Variants in ZNF763 observed in about 807,000 individuals in gnomAD.
The protein encoded by ZNF763 is zinc finger protein 763, also known as DNA-binding protein.
A neutral mutation model predicts 38.0 loss-of-function variants in ZNF763; 33 were observed. The ratio of observed to expected loss-of-function variants is 0.87; its 90% CI spans 0.66 to 1.16. ZNF763 has a LOEUF of 1.16. Ranked by LOEUF, ZNF763 falls within the 50% of genes most tolerant of loss-of-function variation. ZNF763 has a pLI of 0.00. For missense variants in ZNF763, 423 were observed against 469.1 expected, an observed-to-expected ratio of 0.90 and a Z score of 0.91; for synonymous variants, 155 against 160.1, an observed-to-expected ratio of 0.97 and a Z score of 0.24.
Position 11,978,356 on chromosome 19 carries a change from T to G in ZNF763, c.432T>G (p.Tyr144Ter), listed in dbSNP as rs370304518. The G allele has an allele frequency of 1.2e-5, 20 of 1,614,070 alleles. No individual in the cohort carries two copies. Among genetic ancestry groups the G allele is most frequent in the Admixed American group, 5.0e-5 (3 of 60,006 alleles). ...ATCAGGACTATGCACCAAAGCCATA[T>G]AAGTGTCAACAACCTAAGAAAGCCT... ...YEYQDYAPKP[Y>*]KCQQPKKAFR... The change falls in exon 4 of 4, where the codon TAT becomes TAG. Residue 144 changes from tyrosine to a stop codon, truncating the protein, a stop_gained. Transcript: ENST00000358987. LOFTEE classifies it high-confidence loss of function.
chr19:11,975,574 T>C (rs528946195), intron 1 of ZNF763, among the ~76,000 whole-genome samples: 10 of 151,948 alleles, frequency 6.6e-5, no homozygotes, highest in African/African-American at 9.7e-5. Flanking sequence ...ATTTTTCGTA[T>C]TTTTAGTAGA....
Position 11,979,704 on chromosome 19 carries a change from A to T in ZNF763, c.*595A>T. On this transcript the variant is annotated 3_prime_UTR_variant, in exon 4 of 4. Coordinates refer to ENST00000358987, the MANE Select transcript of ZNF763 (RefSeq NM_001367172.2). ...CATGCTGGGACTCACCCTGAAGAGA[A>T]GCCCTACGAGTGTAAGCAATGTGGG... The T allele has an allele frequency of 6.2e-7, 1 of 1,600,494 alleles. No individual in the cohort carries two copies. The highest frequency in any genetic ancestry group is 8.5e-7 in the Non-Finnish European group (1 of 1,170,550).
intron 1 of ZNF763, among the ~76,000 whole-genome samples, chr19:11,976,125 G>C (rs1465152743): frequency 6.7e-6 from 1 of 148,240 alleles, no homozygotes; most frequent in Non-Finnish European, 1.5e-5. Context: ...TCCTGCTCTT[G>C]GGTAGCTATC....
chr19:11,973,784 T>A (rs892580940), intron 1 of ZNF763, among the ~76,000 whole-genome samples: 1 of 151,982 alleles, frequency 6.6e-6, no homozygotes, highest in Non-Finnish European at 1.5e-5. Flanking sequence ...TGAGTAAGGC[T>A]GCTAAAAATG....
intron 1 of ZNF763, 128 bp from the exon 2 acceptor site, chr19:11,976,910 G>C: frequency 1.3e-6 from 2 of 1,534,776 alleles, no homozygotes; most frequent in Non-Finnish European, 1.7e-6. Context: ...CAGAAAGCGA[G>C]AAAGGGATGT....
At chr19:11,973,024 G>T (rs1364537824) in intron 1 of ZNF763, among the ~76,000 whole-genome samples, 1 of 152,074 alleles carries the variant, frequency 6.6e-6, no homozygotes, top group Non-Finnish European at 1.5e-5. Flanking sequence ...GGAAATTGAA[G>T]AAACCAATAT....
Position 11,979,741 on chromosome 19 carries a change from A to T in ZNF763, c.*632A>T. 6.3e-7 allele frequency: 1 copy of T among 1,590,550 alleles called. No homozygotes were observed. The highest frequency in any genetic ancestry group is 1.1e-5 in the South Asian group (1 of 90,648). On this transcript the variant is annotated 3_prime_UTR_variant, in exon 4 of 4. Transcript: ENST00000358987. ...GTAAGCAATGTGGGAAAGCCTTCAG[A>T]TCTGCCCCACACCTTCGAATCCATG...
Position 11,977,372 on chromosome 19 carries a change from G to A in ZNF763, c.132G>A (p.Gly44=), listed in dbSNP as rs374392113. The A allele has an allele frequency of 4.3e-6, 7 of 1,613,430 alleles. No individual in the cohort carries two copies. The highest frequency in any genetic ancestry group is 1.6e-4 in the Middle Eastern group (1 of 6,078). The change falls in exon 3 of 4, where the codon GGG becomes GGA. Residue 44 remains glycine (G), a splice_region_variant and synonymous_variant. Coordinates refer to ENST00000358987, the MANE Select transcript of ZNF763 (RefSeq NM_001367172.2). ...LETFRNLTSI[G]KKWKDQNIEY... is the part of the protein sequence containing the mutation. ...TACTTTTCTGTGTCTGTATTTTAGG[G>A]AAAAAGTGGAAAGACCAGAACATTG...
At chr19:11,969,469 T>A (rs907476462) in intron 1 of ZNF763, among the ~76,000 whole-genome samples, 3 of 152,206 alleles carry the variant, frequency 2.0e-5, no homozygotes, top group African/African-American at 7.2e-5. Context: ...AGCGGTTAAT[T>A]GGTGGATTGT....
rs1409274668 is a variant in ZNF763 at position 11,979,767 on chromosome 19, G to A, written c.*658G>A. ...TCTGCCCCACACCTTCGAATCCATG[G>A]TAGAACTCACACTGGAGAGAAACCC... is the stretch of plus-strand genomic sequence containing the variant. On this transcript the variant is annotated 3_prime_UTR_variant, in exon 4 of 4. Transcript: ENST00000358987. The A allele has an allele frequency of 6.6e-7, 1 of 1,509,212 alleles. No homozygotes were observed. Among genetic ancestry groups the A allele is most frequent in the Non-Finnish European group, 9.0e-7 (1 of 1,105,178 alleles). 93.5% of individuals were successfully genotyped at this position (1,509,212 alleles called of 1,614,324 possible). A position where few individuals can be genotyped will look rare whatever the true frequency, so the allele number is the denominator to read the frequency against.
chr19:11,967,072 G>C (rs907729263), intron 1 of ZNF763, among the ~76,000 whole-genome samples: 1 of 152,174 alleles, frequency 6.6e-6, no homozygotes, highest in Non-Finnish European at 1.5e-5. Context: ...TGATGGCTTA[G>C]GCCTGTAATT....
In ZNF763 at chr19:11,978,204, T is replaced by C. The variant is rs1294209434; in HGVS notation, c.280T>C (p.Phe94Leu). Residue 94 changes from phenylalanine (F) to leucine (L), a missense_variant, in exon 4 of 4, where the codon TTC (phenylalanine) becomes CTC (leucine). Physicochemically the swap from Phe to Leu is conservative, Grantham distance 22 (BLOSUM62 0). Coordinates refer to ENST00000358987, the MANE Select transcript of ZNF763 (RefSeq NM_001367172.2). ...FTQVPDDRLN[F>L]QEKKASPEAK... is the part of the protein sequence containing the mutation. ...CCAGGTTCCAGATGACAGGCTGAACTTCCAGGAGAAGAAAGCTTCTCCTGA... is the reference window on the plus strand; with the variant it reads ...CCAGGTTCCAGATGACAGGCTGAACCTCCAGGAGAAGAAAGCTTCTCCTGA... 2 of 1,613,666 alleles carry C rather than the reference T, an allele frequency of 1.2e-6. No homozygotes were observed. Among genetic ancestry groups the C allele is most frequent in the African/African-American group, 2.7e-5 (2 of 74,926 alleles).
Position 11,978,417 on chromosome 19 carries a change from A to G in ZNF763, c.493A>G (p.Asn165Asp), listed in dbSNP as rs779442551. 1.9e-6 allele frequency: 3 copies of G among 1,614,220 alleles called. No individual in the cohort carries two copies. The highest frequency in any genetic ancestry group is 3.3e-5 in the Admixed American group (2 of 60,026). ...YHPSFRTQER[N>D]HTGEKPYACK... ...CCCCTCCTTTAGAACACAAGAAAGG[A>G]ATCACACCGGAGAGAAACCCTATGC... Residue 165 changes from asparagine (N) to aspartate (D), a missense_variant, in exon 4 of 4, where the codon AAT (asparagine) becomes GAT (aspartate). Physicochemically the swap from Asn to Asp is conservative, Grantham distance 23. Transcript: ENST00000358987.
chr19:11,977,316 A>G (rs1973516150), intron 2 of ZNF763, 55 bp from the exon 3 acceptor site: 1 of 1,605,972 alleles, frequency 6.2e-7, no homozygotes, highest in African/African-American at 1.3e-5. Flanking sequence ...GAATCTAATA[A>G]TTTTTTCACA....
Position 11,978,308 on chromosome 19 carries a change from C to T in ZNF763, c.384C>T (p.Asp128=), listed in dbSNP as rs373261949. The part of the protein sequence containing the change: ...NSSFNMNIRG[D]IGHKAYEYQD... The stretch of plus-strand genomic sequence containing the variant: ...CTTTTAATATGAACATCAGAGGTGA[C>T]ATTGGGCACAAGGCATACGAGTATC... Residue 128 remains aspartate (D), a synonymous_variant, in exon 4 of 4, where the codon GAC becomes GAT. Transcript: ENST00000358987. 1.2e-6 allele frequency: 2 copies of T among 1,614,122 alleles called. No homozygotes were observed. The highest frequency in any genetic ancestry group is 1.1e-5 in the South Asian group (1 of 91,082).
At position 11,965,342 on chromosome 19, in the gene ZNF763, C is replaced by T. The variant is rs1051837232; in HGVS notation, c.3+131C>T. On this transcript the variant is annotated intron_variant, in intron 1 of 3. Coordinates refer to ENST00000358987, the MANE Select transcript of ZNF763 (RefSeq NM_001367172.2). Reference sequence around the variant, plus strand: ...CTGGGACCGAGTCCTCCTGGAGCTGCTCGGCCCTCGGTCCCCTCGGCCGCT... The same window carrying T: ...CTGGGACCGAGTCCTCCTGGAGCTGTTCGGCCCTCGGTCCCCTCGGCCGCT... 3 of 1,285,244 alleles carry T rather than the reference C, an allele frequency of 2.3e-6. No individual in the cohort carries two copies. In the East Asian group the frequency reaches 7.6e-5, roughly 33 times the overall value. The allele number at this position is 1,285,244 out of a possible 1,614,324, so 79.6% of individuals were successfully genotyped here.
chr19:11,966,954 C>A (rs1275883363), intron 1 of ZNF763, among the ~76,000 whole-genome samples: 1 of 152,138 alleles, frequency 6.6e-6, no homozygotes, highest in Non-Finnish European at 1.5e-5. Context: ...GAAAAGAGGT[C>A]CTCATCAGAC....
chr19:11,978,355 A>C lies in ZNF763; in HGVS notation c.431A>C (p.Tyr144Ser), dbSNP rs368440467. The C allele has an allele frequency of 3.7e-6, 6 of 1,614,126 alleles. No homozygotes were observed. The highest frequency in any genetic ancestry group is 1.7e-5 in the Admixed American group (1 of 60,010). The change falls in exon 4 of 4, where the codon TAT becomes TCT. Residue 144 changes from tyrosine to serine, a missense_variant. Tyr to Ser is a moderately radical substitution (Grantham distance 144). Transcript: ENST00000358987. ...YEYQDYAPKPYKCQQPKKAFR... is the reference protein window; with the variant it reads ...YEYQDYAPKPSKCQQPKKAFR... ...TATCAGGACTATGCACCAAAGCCAT[A>C]TAAGTGTCAACAACCTAAGAAAGCC...
chr19:11,974,629 A>T lies in ZNF763; in HGVS notation c.4-2409A>T, dbSNP rs556497110. 1.7e-3 allele frequency among the ~76,000 whole-genome samples: 242 copies of T among 145,848 alleles called. 2 individuals are homozygous for T. Among genetic ancestry groups the T allele is most frequent in the African/African-American group, 5.8e-3 (228 of 39,212 alleles). ...TTTTTGGGCGGGGGGGTGGGGTGTA[A>T]TCTGGCTCTGTCGCCCAGGCTGGAG... On this transcript the variant is annotated intron_variant, in intron 1 of 3. Coordinates refer to ENST00000358987, the MANE Select transcript of ZNF763 (RefSeq NM_001367172.2).
Sources: gnomAD v4.1 joint callset for allele counts (sites outside exome capture counted in the v4.1 genomes callset) on GRCh38, gnomAD v4.1.1 for gene constraint, MANE v1.5 for transcripts, NCBI Gene and HGNC (gene_info 2026-07-23, HGNC 2026-07-21) for gene names.